Variants in STXBP4 observed in about 807,000 individuals in gnomAD.
The protein encoded by STXBP4 is syntaxin-binding protein 4.
STXBP4 carries 55 observed loss-of-function variants against 76.1 expected under a neutral mutation model. That is an observed-to-expected ratio of 0.72 (90% CI 0.58 to 0.91). The LOEUF (loss-of-function observed/expected upper bound fraction) is 0.91. STXBP4 is among the 40% of genes least tolerant of loss of function. The pLI is 0.00. For missense variants in STXBP4, 618 were observed against 636.9 expected (o/e 0.97, Z 0.32); for synonymous variants, 201 against 220.2 (o/e 0.91, Z 0.77).
At position 55,031,352 on chromosome 17, in the gene STXBP4, T is replaced by C. The variant is rs965218705; in HGVS notation, c.763+88T>C. 3.5e-5 allele frequency: 38 copies of C among 1,073,692 alleles called. No homozygotes were observed. The African/African-American group carries it at 5.9e-4, about 17-fold the overall frequency. 66.5% of individuals were successfully genotyped at this position (1,073,692 alleles called of 1,614,324 possible). On this transcript the variant is annotated intron_variant, in intron 9 of 17. Coordinates refer to ENST00000376352, the MANE Select transcript of STXBP4 (RefSeq NM_178509.6). ...ATTTTCATTAAGAGTGTTTGTTCTTTAGAAGGAGAGAATGAAAAGTAAAAC... is the reference window on the plus strand; with the variant it reads ...ATTTTCATTAAGAGTGTTTGTTCTTCAGAAGGAGAGAATGAAAAGTAAAAC...
At chr17:55,056,473 A>G (rs1384494459) in intron 12 of STXBP4, among the ~76,000 whole-genome samples, 1 of 152,130 alleles carries the variant, frequency 6.6e-6, no homozygotes, top group Non-Finnish European at 1.5e-5. Flanking sequence ...AATACCAAAA[A>G]TCTTTTTCTT....
chr17:55,022,020 A>G (rs1307259357), intron 8 of STXBP4, among the ~76,000 whole-genome samples: 1 of 151,988 alleles, frequency 6.6e-6, no homozygotes, highest in Non-Finnish European at 1.5e-5. Context: ...ATGGCAATCA[A>G]TAGGAGCTTG....
chr17:55,103,596 G>A (rs2079592981), intron 16 of STXBP4, among the ~76,000 whole-genome samples: 1 of 133,594 alleles, frequency 7.5e-6, no homozygotes, highest in African/African-American at 2.6e-5. Flanking sequence ...TTTTGCTTAG[G>A]ATTGTCTTGG....
intron 11 of STXBP4, 36 bp downstream of exon 11, chr17:55,043,361 GAAA>G: frequency 2.5e-6 from 3 of 1,218,994 alleles, no homozygotes; most frequent in Non-Finnish European, 2.2e-6. Flanking sequence ...GTTTTCTTCA[GAAA>G]AAAAAGAAAA....
intron 16 of STXBP4, among the ~76,000 whole-genome samples, chr17:55,120,501 A>G (rs1013840648): frequency 1.1e-4 from 17 of 152,228 alleles, no homozygotes; most frequent in Non-Finnish European, 1.9e-4. Flanking sequence ...AGGTCATCAG[A>G]TAGGAAAAAT....
At chr17:55,127,088 T>G (rs2079920897) in intron 16 of STXBP4, among the ~76,000 whole-genome samples, 1 of 152,224 alleles carries the variant, frequency 6.6e-6, no homozygotes, top group Non-Finnish European at 1.5e-5. Context: ...ACCACCATCA[T>G]GCCCTAGAAT....
At chr17:55,188,931 G>A in the STXBP4 span, among the ~76,000 whole-genome samples, 4 of 152,092 alleles carry the variant, frequency 2.6e-5, no homozygotes, top group South Asian at 2.1e-4. Flanking sequence ...GACATTATCC[G>A]TATTTCATTC....
the STXBP4 span, among the ~76,000 whole-genome samples, chr17:55,211,802 T>TTG: frequency 7.3e-4 from 68 of 93,222 alleles, 3 homozygotes; most frequent in East Asian, 0.013. Context: ...TTTTGTTGTT[T>TTG]TTTTTTTTTT....
chr17:54,999,814 C>T lies in STXBP4; in HGVS notation c.470C>T (p.Thr157Ile). ...LIPKTSSTPK[T>I]NNDILSSCEI... is the part of the protein sequence containing the mutation. ...CCAAAGACCTCATCCACTCCCAAAACAAATAATGACATTTTATCTTCTTGT... is the reference window on the plus strand; with the variant it reads ...CCAAAGACCTCATCCACTCCCAAAATAAATAATGACATTTTATCTTCTTGT... Residue 157 changes from threonine (T) to isoleucine (I), a missense_variant, in exon 6 of 18, where the codon ACA becomes ATA. By Grantham distance (89) the Thr-to-Ile change is moderately conservative (BLOSUM62 -1). Coordinates refer to ENST00000376352, the MANE Select transcript of STXBP4 (RefSeq NM_178509.6). 6.2e-7 allele frequency: 1 copy of T among 1,612,296 alleles called. No homozygotes were observed. Among genetic ancestry groups the T allele is most frequent in the Non-Finnish European group, 8.5e-7 (1 of 1,178,796 alleles).
intron 16 of STXBP4, among the ~76,000 whole-genome samples, chr17:55,099,195 G>A (rs2079533744): frequency 6.6e-6 from 1 of 152,128 alleles, no homozygotes; most frequent in South Asian, 2.1e-4. Flanking sequence ...CTTTTTTGGA[G>A]CGCAGTCTAA....
At chr17:55,004,839 A>G (rs1452836370) in intron 7 of STXBP4, among the ~76,000 whole-genome samples, 9 of 152,194 alleles carry the variant, frequency 5.9e-5, no homozygotes, top group African/African-American at 2.2e-4. Flanking sequence ...CCAAGAGAAT[A>G]ATAAGCCATA....
intron 16 of STXBP4, among the ~76,000 whole-genome samples, chr17:55,122,092 T>C (rs1181173283): frequency 1.3e-5 from 2 of 152,170 alleles, no homozygotes; most frequent in South Asian, 2.1e-4. Flanking sequence ...ATATGCCACA[T>C]TTTTTTCTAA....
At chr17:55,176,536 C>T (rs774085313), downstream of STXBP4, among the ~76,000 whole-genome samples, 7 of 152,054 alleles carry the variant, frequency 4.6e-5, no homozygotes, top group Non-Finnish European at 7.3e-5. Flanking sequence ...GCCAAAAGGC[C>T]TCATAAGCTA....
chr17:55,199,605 A>G, the STXBP4 span, among the ~76,000 whole-genome samples: 1 of 152,188 alleles, frequency 6.6e-6, no homozygotes, highest in Non-Finnish European at 1.5e-5. Context: ...ATTCATCCTA[A>G]TCTTCAGATT....
intron 9 of STXBP4, among the ~76,000 whole-genome samples, chr17:55,033,316 G>C (rs1435733271): frequency 6.6e-6 from 1 of 152,162 alleles, no homozygotes; most frequent in Non-Finnish European, 1.5e-5. Flanking sequence ...GGAGGTTGCA[G>C]TGAGCCAAGA....
At position 55,081,082 on chromosome 17, in the gene STXBP4, C is replaced by T. The variant is rs2079248908; in HGVS notation, c.1388C>T (p.Ser463Phe). 1 of 1,538,734 alleles carries T rather than the reference C, an allele frequency of 6.5e-7. No homozygotes were observed. The highest frequency in any genetic ancestry group is 8.7e-7 in the Non-Finnish European group (1 of 1,149,582). ...ERRAVLASQT[S>F]LTPLGRNGRS... The stretch of plus-strand genomic sequence containing the variant: ...AGAGCTGTGTTAGCTTCTCAGACTT[C>T]CCTCACACCACTGGGAAGGAATGGA... Residue 463 changes from serine to phenylalanine, a missense_variant, in exon 16 of 18, where the codon TCC (serine) becomes TTC (phenylalanine). Ser to Phe is a radical substitution (Grantham distance 155, BLOSUM62 -2). Coordinates refer to ENST00000376352, the MANE Select transcript of STXBP4 (RefSeq NM_178509.6).
Position 55,031,206 on chromosome 17 carries a change from A to C in STXBP4, c.705A>C (p.Gln235His), listed in dbSNP as rs1254840499. Residue 235 changes from glutamine to histidine, a missense_variant, in exon 9 of 18, where the codon CAA (glutamine) becomes CAC (histidine). Physicochemically the swap from Gln to His is conservative, Grantham distance 24 (BLOSUM62 0). Coordinates refer to ENST00000376352, the MANE Select transcript of STXBP4 (RefSeq NM_178509.6). ...NYLGIQPTKE[Q>H]HQALRQQVQA... ...TTGGTATTCAGCCCACAAAGGAACA[A>C]CACCAAGCCCTGAGACAGCAAGTAC... 29 of 1,613,382 alleles carry C rather than the reference A, an allele frequency of 1.8e-5. No individual in the cohort carries two copies. The highest frequency in any genetic ancestry group is 1.1e-4 in the East Asian group (5 of 44,814).
At chr17:55,066,667 AT>A (rs2079054953) in intron 12 of STXBP4, among the ~76,000 whole-genome samples, 1 of 152,142 alleles carries the variant, frequency 6.6e-6, no homozygotes, top group Non-Finnish European at 1.5e-5. Flanking sequence ...ACTTAGTCTT[AT>A]TTGCTTGATA....
At chr17:55,114,827 G>A (rs1037914703) in intron 16 of STXBP4, among the ~76,000 whole-genome samples, 1 of 151,826 alleles carries the variant, frequency 6.6e-6, no homozygotes, top group Non-Finnish European at 1.5e-5. Flanking sequence ...AACACAATGG[G>A]CCCTTTGGGT....
Sources: gnomAD v4.1 joint callset for allele counts (sites outside exome capture counted in the v4.1 genomes callset) on GRCh38, gnomAD v4.1.1 for gene constraint, MANE v1.5 for transcripts, NCBI Gene and HGNC (gene_info 2026-07-23, HGNC 2026-07-21) for gene names.